Variants in FRY observed in about 807,000 individuals in gnomAD.
FRY encodes protein furry homolog.
A neutral mutation model predicts 348.4 loss-of-function variants in FRY; 128 were observed. That is an observed-to-expected ratio of 0.37 (90% confidence interval 0.32 to 0.43). FRY has a LOEUF of 0.43. Ranked by LOEUF, FRY falls within the 20% of genes least tolerant of loss-of-function variation. FRY has a pLI of 1.00. For synonymous variants in FRY, 1,370 were observed against 1,374.7 expected (o/e 1.00, Z 0.08); for missense variants, 2,736 against 3,695.2 (o/e 0.74, Z 6.73).
At chr13:32,273,032 G>A (rs371066635) in intron 55 of FRY, among the ~76,000 whole-genome samples, 4 of 151,692 alleles carry the variant, frequency 2.6e-5, no homozygotes, top group East Asian at 3.9e-4. Context: ...TGGCACTGAC[G>A]CAGGCACAGT....
At position 32,224,296 on chromosome 13, in the gene FRY, G is replaced by A. The variant is rs762400889; in HGVS notation, c.4827G>A (p.Gln1609=). 7 of 1,613,912 alleles carry A rather than the reference G, an allele frequency of 4.3e-6. No individual in the cohort carries two copies. The Admixed American group carries it at 1.0e-4, about 23-fold the overall frequency. The part of the protein sequence containing the change: ...LLTITETKQP[Q]PLPMPCTGGC... ...CTATTACAGAGACCAAGCAGCCGCAGCCCTTACCGATGCCTTGTACTGGAG... is the reference window on the plus strand; with the variant it reads ...CTATTACAGAGACCAAGCAGCCGCAACCCTTACCGATGCCTTGTACTGGAG... The change falls in exon 37 of 61, where the codon CAG becomes CAA. Residue 1609 remains glutamine, a synonymous_variant. Coordinates refer to ENST00000542859, the MANE Select transcript of FRY (RefSeq NM_023037.3).
chr13:32,265,558 G>T lies in FRY; in HGVS notation c.7888G>T (p.Asp2630Tyr). Residue 2630 changes from aspartate to tyrosine, a missense_variant, in exon 54 of 61, where the codon GAC (aspartate) becomes TAC (tyrosine). Physicochemically the swap from Asp to Tyr is radical, Grantham distance 160. Around this residue, in one of 9 missense-constraint regions of FRY, gnomAD observed 789 missense variants for 996.2 expected, o/e 0.79. Transcript: ENST00000542859. ...AFECSDSFSL[D>Y]MTEGEEKGNR... is the part of the protein sequence containing the mutation. ...TGAATGCAGCGACAGCTTTAGCCTGGACATGACTGAGGGGGAAGAAAAAGG... is the reference window on the plus strand; with the variant it reads ...TGAATGCAGCGACAGCTTTAGCCTGTACATGACTGAGGGGGAAGAAAAAGG... 4 of 1,614,200 alleles carry T rather than the reference G, an allele frequency of 2.5e-6. No homozygotes were observed. The highest frequency in any genetic ancestry group is 3.4e-6 in the Non-Finnish European group (4 of 1,180,034).
intron 3 of FRY, among the ~76,000 whole-genome samples, chr13:32,107,036 C>T (rs538764028): frequency 2.0e-5 from 3 of 152,228 alleles, no homozygotes; most frequent in Admixed American, 6.5e-5. Flanking sequence ...CTAAATTTAA[C>T]CTAATTACAC....
intron 2 of FRY, among the ~76,000 whole-genome samples, chr13:32,090,443 A>G (rs1391702454): frequency 2.6e-5 from 4 of 151,660 alleles, no homozygotes. Flanking sequence ...GCATGTTGAT[A>G]GCTGAGAGAA....
chr13:32,238,000 C>T lies in FRY; in HGVS notation c.6418+14C>T, dbSNP rs375891667. On this transcript the variant is annotated intron_variant, in intron 44 of 60. Transcript: ENST00000542859. This position sits in a 1 kb window ranked among gnomAD's most constrained non-coding sequence, Gnocchi z 6.3. ...CCCACGCTATTGGTAAAGCCAGCCTCGTTCACCCTGTCTCAATTCTGATGG... is the reference window on the plus strand; with the variant it reads ...CCCACGCTATTGGTAAAGCCAGCCTTGTTCACCCTGTCTCAATTCTGATGG... 4.5e-5 allele frequency: 72 copies of T among 1,612,190 alleles called. No homozygotes were observed. Among genetic ancestry groups the T allele is most frequent in the Middle Eastern group, 1.7e-4 (1 of 6,058 alleles).
chr13:32,182,182 T>C (rs1882756828), intron 23 of FRY, among the ~76,000 whole-genome samples: 1 of 152,238 alleles, frequency 6.6e-6, no homozygotes, highest in Non-Finnish European at 1.5e-5. Flanking sequence ...GACAACAAGC[T>C]ACATCTTATC....
At chr13:32,161,867 T>A (rs1189004091) in intron 17 of FRY, among the ~76,000 whole-genome samples, 3 of 152,226 alleles carry the variant, frequency 2.0e-5, no homozygotes, top group Non-Finnish European at 4.4e-5. Context: ...TTATTTTCTT[T>A]GAGTGAAATT....
At chr13:32,268,503 AAAATAT>A (rs1230600735) in intron 55 of FRY, among the ~76,000 whole-genome samples, 54 of 14,744 alleles carry the variant, frequency 3.7e-3, no homozygotes, top group East Asian at 0.012. Context: ...AAAAAAAAAA[AAAATAT>A]ATATATATAT....
intron 1 of FRY, among the ~76,000 whole-genome samples, chr13:32,062,088 CT>C: frequency 6.6e-6 from 1 of 151,938 alleles, no homozygotes; most frequent in East Asian, 1.9e-4. Context: ...ATATGATAGC[CT>C]TCTGTTTCTA....
At chr13:32,254,741 T>A (rs890578127) in intron 51 of FRY, among the ~76,000 whole-genome samples, 1 of 152,224 alleles carries the variant, frequency 6.6e-6, no homozygotes, top group Non-Finnish European at 1.5e-5. Context: ...CACTGGTACC[T>A]GGGTAAAATA....
At chr13:32,141,849 G>A (rs372046282) in intron 11 of FRY, among the ~76,000 whole-genome samples, 7 of 152,304 alleles carry the variant, frequency 4.6e-5, no homozygotes, top group African/African-American at 1.7e-4. Flanking sequence ...TCAGTGACTG[G>A]CAGTGAGGTG....
rs111474123 is a variant in FRY at position 32,204,060 on chromosome 13, A to G, written c.4018+1533A>G. ...CCTCCATGCTAGGTACTTTATGTGC[A>G]TTGCATTTATCACTTAATATTTATA... On this transcript the variant is annotated intron_variant, in intron 31 of 60. Transcript: ENST00000542859. Among the ~76,000 whole-genome samples the G allele has an allele frequency of 4.4e-3, 674 of 152,336 alleles. 6 individuals carry two copies. The highest frequency in any genetic ancestry group is 0.016 in the African/African-American group (657 of 41,590).
chr13:32,131,620 A>G (rs1879370097), intron 7 of FRY, 52 bp from the exon 8 acceptor site: 9 of 1,379,970 alleles, frequency 6.5e-6, no homozygotes, highest in South Asian at 1.2e-5. Context: ...GGCCCCCATT[A>G]CAGGGACTTT....
chr13:32,097,362 CTTTTTTTT>C (rs34054013), intron 2 of FRY, among the ~76,000 whole-genome samples: 1 of 126,494 alleles, frequency 7.9e-6, no homozygotes, highest in Non-Finnish European at 1.6e-5. Flanking sequence ...CCTTTTTTTC[CTTTTTTTT>C]TTTTTTTTTG....
At chr13:32,177,264 T>C (rs1052195088) in intron 20 of FRY, among the ~76,000 whole-genome samples, 1 of 152,188 alleles carries the variant, frequency 6.6e-6, no homozygotes, top group Non-Finnish European at 1.5e-5. Context: ...AAGAGATTTT[T>C]ATTTTTGCTT....
At chr13:32,075,034 A>C (rs775207436) in intron 1 of FRY, among the ~76,000 whole-genome samples, 44 of 152,350 alleles carry the variant, frequency 2.9e-4, no homozygotes, top group Admixed American at 9.8e-4. Context: ...AAACCTGGAA[A>C]ATGGTGCCTC....
Position 32,131,804 on chromosome 13 carries a change from A to C in FRY, c.849A>C (p.Pro283=). 6.2e-7 allele frequency: 1 copy of C among 1,613,968 alleles called. No homozygotes were observed. Among genetic ancestry groups the C allele is most frequent in the Non-Finnish European group, 8.5e-7 (1 of 1,179,810 alleles). The part of the protein sequence containing the change: ...GMKFFRIKMY[P]VEDFEASLQF... ...AATTCTTTCGAATTAAGATGTATCC[A>C]GTGGAGGATTTTGAGGCCTCTCTTC... The change falls in exon 8 of 61, where the codon CCA becomes CCC. Residue 283 remains proline (P), a synonymous_variant. Coordinates refer to ENST00000542859, the MANE Select transcript of FRY (RefSeq NM_023037.3).
At chr13:32,082,182 G>A (rs750395943) in intron 2 of FRY, among the ~76,000 whole-genome samples, 2 of 146,156 alleles carry the variant, frequency 1.4e-5, no homozygotes, top group Non-Finnish European at 3.0e-5. Context: ...AAAGCTTAAG[G>A]TTTTATTTAT....
At chr13:32,216,149 T>C (rs1884978871) in intron 35 of FRY, among the ~76,000 whole-genome samples, 1 of 152,188 alleles carries the variant, frequency 6.6e-6, no homozygotes, top group Non-Finnish European at 1.5e-5. Flanking sequence ...ATCAGAGCTA[T>C]TTTCATGAGG....
Sources: allele counts gnomAD v4.1 joint callset (sites outside exome capture counted in the v4.1 genomes callset), GRCh38; gene constraint gnomAD v4.1.1; regional missense constraint gnomAD v4.1.1; non-coding constraint Gnocchi (gnomAD v3.1); transcripts MANE v1.5; gene names NCBI Gene and HGNC (gene_info 2026-07-23, HGNC 2026-07-21).